The following RPA2 variants were observed in gnomAD, a reference collection of about 807,000 sequenced individuals.
The protein encoded by RPA2 is replication protein A2, also known as replication protein A 32 kDa subunit.
In RPA2, 22 loss-of-function variants were observed where a neutral mutation model predicts 33.4. That is an observed-to-expected ratio of 0.66 (90% CI 0.47 to 0.94). RPA2 has a LOEUF of 0.94. Among genes scored for constraint, RPA2 ranks in the 40% least tolerant of loss-of-function variants. RPA2 has a pLI of 0.00. For synonymous variants in RPA2, 109 were observed against 114.9 expected (o/e 0.95, Z 0.33); for missense variants, 279 against 329.9 (o/e 0.85, Z 1.19).
At chr1:27,901,888 C>T (rs2089971704) in intron 4 of RPA2, among the ~76,000 whole-genome samples, 1 of 152,048 alleles carries the variant, frequency 6.6e-6, no homozygotes, top group Non-Finnish European at 1.5e-5. Context: ...GTGTGAGCCA[C>T]TGTGCCTGGC....
rs1388014235 is a variant in RPA2, at chr1:27,891,895, C to T, written c.*268G>A. On this transcript the variant is annotated 3_prime_UTR_variant, in exon 9 of 9. Transcript: ENST00000373912. ...GTAGCATCCTTCCAATTCCATCTAT[C>T]TTGATGTTGTAACAAGCTTATTTGT... The T allele has an allele frequency of 1.2e-5, 5 of 422,748 alleles. No individual in the cohort carries two copies. Among genetic ancestry groups the T allele is most frequent in the African/African-American group, 7.8e-5 (4 of 51,102 alleles). The allele number at this position is 422,748 out of a possible 1,614,324, so 26.2% of individuals were successfully genotyped here.
At chr1:27,910,138 G>A (rs991970165) in intron 2 of RPA2, among the ~76,000 whole-genome samples, 9 of 152,160 alleles carry the variant, frequency 5.9e-5, no homozygotes, top group African/African-American at 2.2e-4. Flanking sequence ...AGGTAAAGTG[G>A]CAAGAACATG....
At chr1:27,899,445 C>T (rs996509184) in intron 4 of RPA2, among the ~76,000 whole-genome samples, 3 of 138,948 alleles carry the variant, frequency 2.2e-5, no homozygotes, top group South Asian at 2.4e-4. Context: ...GCAGAGGTTG[C>T]AGTGAGAGAC....
At chr1:27,911,821 G>A (rs892278084) in intron 2 of RPA2, among the ~76,000 whole-genome samples, 5 of 152,222 alleles carry the variant, frequency 3.3e-5, no homozygotes, top group East Asian at 1.9e-4. Context: ...GGCCGGGCAC[G>A]GTGGCTCACA....
chr1:27,914,751 G>A, upstream of RPA2: 2 of 1,413,034 alleles, frequency 1.4e-6, no homozygotes, highest in East Asian at 2.4e-5. Context: ...ACTAGCGGAA[G>A]CAAGGGGCTG....
At chr1:27,899,304 C>T (rs756902459) in intron 4 of RPA2, among the ~76,000 whole-genome samples, 19 of 151,806 alleles carry the variant, frequency 1.3e-4, no homozygotes, top group Non-Finnish European at 2.2e-4. Flanking sequence ...GTCAGGAGTT[C>T]GAGACCAGCC....
Position 27,891,944 on chromosome 1 carries a change from TG to T in RPA2, c.*218del. The T allele has an allele frequency of 2.0e-6, 1 of 489,622 alleles. No individual in the cohort carries two copies. The highest frequency in any genetic ancestry group is 3.7e-6 in the Non-Finnish European group (1 of 271,060). The allele number at this position is 489,622 out of a possible 1,614,324, so 30.3% of individuals were successfully genotyped here. A position where few individuals can be genotyped will look rare whatever the true frequency, so the allele number is the denominator to read the frequency against. On this transcript the variant is annotated 3_prime_UTR_variant, in exon 9 of 9. Transcript: ENST00000373912. Reference sequence around the variant, plus strand: ...GTAACTTCCTCAAGAAATCCCACCCTGGATTGCATCCCTGTCAATTGCCCAT... The same window carrying T: ...GTAACTTCCTCAAGAAATCCCACCCTGATTGCATCCCTGTCAATTGCCCAT...
At chr1:27,905,868 C>T (rs1356140306) in intron 4 of RPA2, among the ~76,000 whole-genome samples, 2 of 152,162 alleles carry the variant, frequency 1.3e-5, no homozygotes, top group Non-Finnish European at 2.9e-5. Context: ...ACCTCGTGAT[C>T]CGCCCACCTC....
rs117953042 is a variant in RPA2 at position 27,891,735 on chromosome 1, T to G, written c.*428A>C. 1 of 157,122 alleles carries G rather than the reference T, an allele frequency of 6.4e-6. No homozygotes were observed. The highest frequency in any genetic ancestry group is 1.9e-4 in the East Asian group (1 of 5,368). 9.7% of individuals were successfully genotyped at this position (157,122 alleles called of 1,614,324 possible). A position where few individuals can be genotyped will look rare whatever the true frequency, so the allele number is the denominator to read the frequency against. On this transcript the variant is annotated 3_prime_UTR_variant, in exon 9 of 9. Transcript: ENST00000373912. The stretch of plus-strand genomic sequence containing the variant: ...TGAAAGTAATGCCACACAACCAAAG[T>G]GGGAAATGAAAACAGGCAGAGGCCA...
Position 27,906,940 on chromosome 1 carries a change from C to A in RPA2, c.321G>T (p.Trp107Cys). 6.2e-7 allele frequency: 1 copy of A among 1,612,412 alleles called. No homozygotes were observed. The highest frequency in any genetic ancestry group is 1.1e-5 in the South Asian group (1 of 90,632). The part of the protein sequence containing the change: ...MTAAPMDVRQ[W>C]VDTDDTSSEN... ...AACAGCCACTTACATCTGTGTCAACCCACTGGCGAACGTCCATGGGTGCAG... is the reference window on the plus strand; with the variant it reads ...AACAGCCACTTACATCTGTGTCAACACACTGGCGAACGTCCATGGGTGCAG... Residue 107 changes from tryptophan (W) to cysteine (C), a missense_variant, in exon 4 of 9, where the codon TGG becomes TGT. Transcript: ENST00000373912.
In RPA2 at chr1:27,906,821, G is replaced by A. The variant is rs117618753; in HGVS notation, c.333+107C>T. 26 of 710,538 alleles carry A rather than the reference G, an allele frequency of 3.7e-5. No homozygotes were observed. In the East Asian group the frequency reaches 6.3e-4, roughly 17 times the overall value. 44.0% of individuals were successfully genotyped at this position (710,538 alleles called of 1,614,324 possible). On this transcript the variant is annotated intron_variant, in intron 4 of 8. Coordinates refer to ENST00000373912, the MANE Select transcript of RPA2 (RefSeq NM_002946.5). ...TTACTTTAGAGTATCTGTCTTTGATGTCTTTTTGTATTATTTTTATAAGAA... is the reference window on the plus strand; with the variant it reads ...TTACTTTAGAGTATCTGTCTTTGATATCTTTTTGTATTATTTTTATAAGAA...
chr1:27,893,507 C>T (rs970099615), intron 8 of RPA2, among the ~76,000 whole-genome samples: 18 of 151,966 alleles, frequency 1.2e-4, no homozygotes, highest in African/African-American at 3.6e-4. Context: ...ACAAGCGTTT[C>T]GCCACGTTGC....
chr1:27,894,976 C>G (rs2089871500), intron 6 of RPA2, among the ~76,000 whole-genome samples: 1 of 152,198 alleles, frequency 6.6e-6, no homozygotes, highest in African/African-American at 2.4e-5. Context: ...CCAAAAGTCT[C>G]TTTCAGTCCT....
In RPA2 at chr1:27,892,215, T is replaced by C. The variant is rs747532813; in HGVS notation, c.761A>G (p.His254Arg). ...GTCATCATCCACAGTAGAATAGATG[T>C]GCCCCTCATTGCTCAGAAAATCCAC... ...QAVDFLSNEG[H>R]IYSTVDDDHF... The change falls in exon 9 of 9, where the codon CAC becomes CGC. Residue 254 changes from histidine (H) to arginine (R), a missense_variant. This residue lies in a region of RPA2 where 274 missense variants were observed against 310.3 expected (regional missense o/e 0.88). Coordinates refer to ENST00000373912, the MANE Select transcript of RPA2 (RefSeq NM_002946.5). 3 of 1,613,422 alleles carry C rather than the reference T, an allele frequency of 1.9e-6. No homozygotes were observed. Among genetic ancestry groups the C allele is most frequent in the Non-Finnish European group, 8.5e-7 (1 of 1,179,670 alleles).
intron 4 of RPA2, among the ~76,000 whole-genome samples, chr1:27,900,142 C>T (rs550813063): frequency 3.9e-5 from 6 of 152,236 alleles, no homozygotes; most frequent in Non-Finnish European, 2.9e-5. Flanking sequence ...GATAAGGTCT[C>T]GTTTTATCAT....
intron 4 of RPA2, among the ~76,000 whole-genome samples, chr1:27,904,650 AT>A (rs1370809850): frequency 1.7e-4 from 25 of 147,972 alleles, no homozygotes; most frequent in Admixed American, 2.7e-4. Flanking sequence ...GGAGAACCGC[AT>A]TTTTTTTTTT....
At chr1:27,901,784 G>GA (rs1415837491) in intron 4 of RPA2, among the ~76,000 whole-genome samples, 9 of 151,692 alleles carry the variant, frequency 5.9e-5, no homozygotes, top group African/African-American at 2.2e-4. Context: ...ATTTCTTTTT[G>GA]AGATAGGGTC....
At chr1:27,902,918 G>A (rs2089984676) in intron 4 of RPA2, among the ~76,000 whole-genome samples, 1 of 152,050 alleles carries the variant, frequency 6.6e-6, no homozygotes, top group Non-Finnish European at 1.5e-5. Flanking sequence ...CTACTTTTAG[G>A]AATACATCTT....
At chr1:27,903,748 C>G (rs2148657963) in intron 4 of RPA2, among the ~76,000 whole-genome samples, 1 of 150,220 alleles carries the variant, frequency 6.7e-6, no homozygotes, top group African/African-American at 2.4e-5. Context: ...CAGCTCCTCA[C>G]CAGGCACGGT....
Sources: allele counts gnomAD v4.1 joint callset (sites outside exome capture counted in the v4.1 genomes callset), GRCh38; gene constraint gnomAD v4.1.1; regional missense constraint gnomAD v4.1.1; transcripts MANE v1.5; gene names NCBI Gene and HGNC (gene_info 2026-07-23, HGNC 2026-07-21).